FBXO11: variants seen among roughly 807,000 people sequenced by gnomAD.
FBXO11 encodes the protein F-box protein 11.
Under a neutral mutation model 117.0 loss-of-function variants are expected in FBXO11, and 13 were observed. The ratio of observed to expected loss-of-function variants is 0.11; its 90% CI spans 0.07 to 0.18. The LOEUF (loss-of-function observed/expected upper bound fraction) is 0.18. Among genes scored for constraint, FBXO11 ranks in the 10% least tolerant of loss-of-function variants. FBXO11 has a pLI of 1.00. For synonymous variants in FBXO11, 490 were observed against 380.5 expected, an observed-to-expected ratio of 1.29 and a Z score of -3.35; for missense variants, 767 against 1,164.4, an observed-to-expected ratio of 0.66 and a Z score of 4.97.
intron 12 of FBXO11, 51 bp from the exon 13 acceptor site, chr2:47,822,354 A>C (rs1359695769): frequency 1.6e-6 from 2 of 1,235,274 alleles, no homozygotes; most frequent in Non-Finnish European, 2.3e-6. Flanking sequence ...AGCCAAACTT[A>C]CTTGTTTTAT....
chr2:47,829,521 T>C (rs763053072), intron 11 of FBXO11, among the ~76,000 whole-genome samples: 1 of 152,182 alleles, frequency 6.6e-6, no homozygotes, highest in Non-Finnish European at 1.5e-5. Context: ...ATTATAGGCA[T>C]GAGCCACCAC....
chr2:47,886,580 C>T (rs1482412087), intron 1 of FBXO11, among the ~76,000 whole-genome samples: 3 of 151,458 alleles, frequency 2.0e-5, no homozygotes, highest in Non-Finnish European at 4.4e-5. Flanking sequence ...GGGTTGTTTG[C>T]TGCAGTTCTT....
intron 11 of FBXO11, among the ~76,000 whole-genome samples, chr2:47,825,145 G>C (rs1361264777): frequency 1.3e-5 from 2 of 151,992 alleles, no homozygotes; most frequent in African/African-American, 2.4e-5. Context: ...GAATACTCTA[G>C]TATACTATAT....
chr2:47,905,710 A>C lies in FBXO11; in HGVS notation c.11T>G (p.Val4Gly). ...CCTGGGTCTCCGGTTGGCGGCTCGG[A>C]CGGAGTTCATTTGCCGGGCTGAGGT... is the stretch of plus-strand genomic sequence containing the variant. MNS[V>G]RAANRRPRRV... Residue 4 changes from valine to glycine, a missense_variant, in exon 1 of 23, where the codon GTC becomes GGC. Around this residue, in one of 10 missense-constraint regions of FBXO11, gnomAD observed 355 missense variants for 299.8 expected, o/e 1.18. Coordinates refer to ENST00000403359, the MANE Select transcript of FBXO11 (RefSeq NM_001190274.2). 1 of 1,520,112 alleles carries C rather than the reference A, an allele frequency of 6.6e-7. No homozygotes were observed. The allele number at this position is 1,520,112 out of a possible 1,614,324, so 94.2% of individuals were successfully genotyped here.
intron 1 of FBXO11, among the ~76,000 whole-genome samples, chr2:47,851,147 T>C (rs186246142): frequency 1.4e-4 from 20 of 146,400 alleles, no homozygotes; most frequent in Non-Finnish European, 2.1e-4. Flanking sequence ...AGAATGACCA[T>C]AGCCCCAAAT....
chr2:47,817,832 C>T (rs1464432864), intron 16 of FBXO11, among the ~76,000 whole-genome samples: 1 of 152,214 alleles, frequency 6.6e-6, no homozygotes, highest in African/African-American at 2.4e-5. Context: ...TGTCCCAAAA[C>T]AATTACAATA....
At chr2:47,890,200 T>A (rs1194867115) in intron 1 of FBXO11, among the ~76,000 whole-genome samples, 1 of 152,082 alleles carries the variant, frequency 6.6e-6, no homozygotes, top group African/African-American at 2.4e-5. Context: ...CTCTTGGTCT[T>A]AAAGGATCCT....
At chr2:47,855,109 G>A (rs372551335) in intron 1 of FBXO11, among the ~76,000 whole-genome samples, 2 of 152,006 alleles carry the variant, frequency 1.3e-5, no homozygotes, top group South Asian at 4.1e-4. Context: ...CATTTTTAGG[G>A]ATTTAGTGTT....
intron 17 of FBXO11, 127 bp downstream of exon 17, chr2:47,813,664 C>T (rs1294374099): frequency 1.4e-6 from 1 of 703,500 alleles, no homozygotes; most frequent in Non-Finnish European, 2.4e-6. Flanking sequence ...AACTCCTGAC[C>T]TCGGGTGATC....
intron 1 of FBXO11, among the ~76,000 whole-genome samples, chr2:47,867,498 T>C (rs1408768710): frequency 6.6e-6 from 1 of 152,218 alleles, no homozygotes; most frequent in Non-Finnish European, 1.5e-5. Flanking sequence ...AAGTGCCAGA[T>C]GGAGGAGAGC....
At position 47,808,436 on chromosome 2, in the gene FBXO11, C is replaced by T. The variant is rs765716253; in HGVS notation, c.2556-9G>A. 1.9e-6 allele frequency: 3 copies of T among 1,574,224 alleles called. No homozygotes were observed. In the South Asian group the frequency reaches 3.6e-5, roughly 19 times the overall value. ...TGTTACAAGTATGACATCTAAAAAGCAAAAGCTTAAATTACTTTTCTCAAA... is the reference window on the plus strand; with the variant it reads ...TGTTACAAGTATGACATCTAAAAAGTAAAAGCTTAAATTACTTTTCTCAAA... On this transcript the variant is annotated splice_polypyrimidine_tract_variant and intron_variant, in intron 21 of 22. Transcript: ENST00000403359.
intron 1 of FBXO11, among the ~76,000 whole-genome samples, chr2:47,843,929 C>T (rs1172621949): frequency 6.6e-5 from 10 of 152,022 alleles, no homozygotes; most frequent in African/African-American, 1.9e-4. Flanking sequence ...TTAATAGAGA[C>T]GGGGTTTCAC....
intron 6 of FBXO11, 24 bp from the exon 7 acceptor site, chr2:47,834,735 T>C: frequency 6.2e-7 from 1 of 1,610,470 alleles, no homozygotes; most frequent in Non-Finnish European, 8.5e-7. Flanking sequence ...AATGTGTCAG[T>C]ACAGAACTGA....
intron 1 of FBXO11, among the ~76,000 whole-genome samples, chr2:47,900,089 G>A (rs978681393): frequency 6.6e-6 from 1 of 152,086 alleles, no homozygotes; most frequent in African/African-American, 2.4e-5. Flanking sequence ...CCAGTAAAGG[G>A]AGAAAAGCAG....
intron 20 of FBXO11, 128 bp downstream of exon 20, chr2:47,809,468 GTTTC>G: frequency 1.3e-6 from 1 of 745,044 alleles, no homozygotes; most frequent in Non-Finnish European, 2.1e-6. Context: ...CCAAAGCTCT[GTTTC>G]TTTCAAAATC....
chr2:47,856,365 A>T (rs1235544688), intron 1 of FBXO11, among the ~76,000 whole-genome samples: 1 of 152,262 alleles, frequency 6.6e-6, no homozygotes, highest in African/African-American at 2.4e-5. Context: ...AAAGAGGAAG[A>T]CACGGTATGC....
At chr2:47,884,099 A>G (rs553050218) in intron 1 of FBXO11, among the ~76,000 whole-genome samples, 13 of 152,222 alleles carry the variant, frequency 8.5e-5, no homozygotes, top group African/African-American at 2.9e-4. Context: ...CATACCTATA[A>G]TCCCAGCTAC....
chr2:47,821,591 TAG>T (rs1454691318), intron 13 of FBXO11, among the ~76,000 whole-genome samples: 2 of 142,246 alleles, frequency 1.4e-5, no homozygotes, highest in Non-Finnish European at 3.0e-5. Flanking sequence ...GCCTGGGTGA[TAG>T]AGAGAGACTC....
intron 1 of FBXO11, among the ~76,000 whole-genome samples, chr2:47,856,706 G>A (rs1674322729): frequency 1.3e-5 from 2 of 152,214 alleles, no homozygotes; most frequent in Non-Finnish European, 2.9e-5. Context: ...TTCGTAAGGT[G>A]AACATTTACT....
Sources: gnomAD v4.1 joint callset for allele counts (sites outside exome capture counted in the v4.1 genomes callset) on GRCh38, gnomAD v4.1.1 for gene constraint, gnomAD v4.1.1 regional missense constraint, MANE v1.5 for transcripts, NCBI Gene and HGNC (gene_info 2026-07-23, HGNC 2026-07-21) for gene names.